The following TMEM131L variants were observed in gnomAD, a reference collection of about 807,000 sequenced individuals.
The protein encoded by TMEM131L is transmembrane 131 like.
TMEM131L carries 54 observed loss-of-function variants against 192.2 expected under a neutral mutation model. The ratio of observed to expected loss-of-function variants is 0.28; its 90% CI spans 0.23 to 0.35. The LOEUF (loss-of-function observed/expected upper bound fraction) is 0.35, where lower values mean the gene tolerates loss of function less well. Among genes scored for constraint, TMEM131L ranks in the 10% least tolerant of loss-of-function variants. The pLI is 1.00. For missense variants in TMEM131L, 1,888 were observed against 1,972.9 expected, an observed-to-expected ratio of 0.96 and a Z score of 0.82; for synonymous variants, 701 against 704.9, an observed-to-expected ratio of 0.99 and a Z score of 0.09.
At chr4:153,550,601 C>G (rs1435818478) in intron 4 of TMEM131L, among the ~76,000 whole-genome samples, 1 of 152,258 alleles carries the variant, frequency 6.6e-6, no homozygotes, top group Non-Finnish European at 1.5e-5. Context: ...GCTGGGATTA[C>G]AGGCGCGAGC....
At chr4:153,608,610 G>A (rs907217377) in intron 25 of TMEM131L, among the ~76,000 whole-genome samples, 1 of 152,182 alleles carries the variant, frequency 6.6e-6, no homozygotes, top group Non-Finnish European at 1.5e-5. Context: ...GAGCTTAACA[G>A]TACCTGAAAG....
In TMEM131L at chr4:153,588,883, CT is replaced by C. The variant is rs1360867245; in HGVS notation, c.1553-3del. 1 of 1,440,380 alleles carries C rather than the reference CT, an allele frequency of 6.9e-7. No individual in the cohort carries two copies. The highest frequency in any genetic ancestry group is 9.8e-7 in the Non-Finnish European group (1 of 1,022,814). The allele number at this position is 1,440,380 out of a possible 1,614,324, so 89.2% of individuals were successfully genotyped here. A position where few individuals can be genotyped will look rare whatever the true frequency, so the allele number is the denominator to read the frequency against. ...AATCTAAATATGGAATCTGATCTAA[CT>C]TTTAGGAAATCCTAATTGGAATGGG... On this transcript the variant is annotated splice_polypyrimidine_tract_variant and splice_region_variant and intron_variant, in intron 15 of 34. Coordinates refer to ENST00000409959, the MANE Select transcript of TMEM131L (RefSeq NM_001131007.2).
intron 4 of TMEM131L, 61 bp downstream of exon 4, chr4:153,550,202 T>C (rs1737503035): frequency 2.9e-6 from 2 of 687,550 alleles, no homozygotes; most frequent in Admixed American, 3.6e-5. Context: ...TTTCAGAATT[T>C]TTTTTACATA....
intron 3 of TMEM131L, among the ~76,000 whole-genome samples, chr4:153,505,253 C>A (rs1733911985): frequency 6.6e-6 from 1 of 151,866 alleles, no homozygotes; most frequent in African/African-American, 2.4e-5. Context: ...ACTACAGGCA[C>A]GCACCACCAC....
rs189630923 is a variant in TMEM131L at position 153,611,090 on chromosome 4, T to A, written c.3419-1162T>A. On this transcript the variant is annotated intron_variant, in intron 25 of 34. Transcript: ENST00000409959. ...AAGAAAAATGGAAGAAAACATATTT[T>A]CAGAAAAGGTTCCTCCCAGCACCCA... Among the ~76,000 whole-genome samples, 200 of 152,334 alleles carry A rather than the reference T, an allele frequency of 1.3e-3. 1 individual carries two copies. The highest frequency in any genetic ancestry group is 6.8e-3 in the Middle Eastern group (2 of 294).
chr4:153,476,262 A>G, intron 3 of TMEM131L, among the ~76,000 whole-genome samples: 1 of 152,154 alleles, frequency 6.6e-6, no homozygotes, highest in South Asian at 2.1e-4. Context: ...CCTGGCCTGA[A>G]TTGATAACTT....
intron 3 of TMEM131L, among the ~76,000 whole-genome samples, chr4:153,531,423 T>G (rs192995038): frequency 1.3e-5 from 2 of 152,344 alleles, no homozygotes; most frequent in East Asian, 3.9e-4. Context: ...GATATACCTT[T>G]TCTTGGATAT....
chr4:153,602,076 A>G lies in TMEM131L; in HGVS notation c.2267-76A>G. The G allele has an allele frequency of 4.4e-6, 4 of 911,512 alleles. No individual in the cohort carries two copies. In the South Asian group the frequency reaches 6.3e-5, roughly 14 times the overall value. The allele number at this position is 911,512 out of a possible 1,614,324, so 56.5% of individuals were successfully genotyped here. A position where few individuals can be genotyped will look rare whatever the true frequency, so the allele number is the denominator to read the frequency against. On this transcript the variant is annotated intron_variant, in intron 21 of 34. Coordinates refer to ENST00000409959, the MANE Select transcript of TMEM131L (RefSeq NM_001131007.2). Reference sequence around the variant, plus strand: ...GATCATGGTTTGGTTTATTCAATAAATATCGATCCAATAAATTATTTTAAA... The same window carrying G: ...GATCATGGTTTGGTTTATTCAATAAGTATCGATCCAATAAATTATTTTAAA...
At chr4:153,589,120 GC>G in intron 16 of TMEM131L, 113 bp downstream of exon 16, 1 of 633,636 alleles carries the variant, frequency 1.6e-6, no homozygotes. Context: ...CACCGTAGAT[GC>G]CTGAAACTGT....
chr4:153,494,689 G>A (rs892708516), intron 3 of TMEM131L, among the ~76,000 whole-genome samples: 27 of 152,180 alleles, frequency 1.8e-4, no homozygotes, highest in Non-Finnish European at 2.6e-4. Flanking sequence ...GCCTATGGCT[G>A]TCTCACCTAA....
chr4:153,598,787 T>C (rs1731626437), intron 21 of TMEM131L, 55 bp downstream of exon 21: 1 of 1,356,988 alleles, frequency 7.4e-7, no homozygotes, highest in East Asian at 2.6e-5. Context: ...AAGCTGAGAG[T>C]GAAAGGATTC....
chr4:153,625,272 G>A (rs1265504278), intron 29 of TMEM131L, among the ~76,000 whole-genome samples: 3 of 151,938 alleles, frequency 2.0e-5, no homozygotes, highest in African/African-American at 7.3e-5. Context: ...CCAGCTGGGC[G>A]TGGTGACGAG....
At chr4:153,589,329 T>C (rs1231109612) in intron 16 of TMEM131L, among the ~76,000 whole-genome samples, 1 of 152,170 alleles carries the variant, frequency 6.6e-6, no homozygotes, top group Non-Finnish European at 1.5e-5. Flanking sequence ...GCATCACTCT[T>C]CTTGCACTTT....
chr4:153,618,302 C>A (rs1270400975), intron 26 of TMEM131L, among the ~76,000 whole-genome samples: 4 of 151,704 alleles, frequency 2.6e-5, no homozygotes, highest in South Asian at 4.2e-4. Context: ...CAGCAAGACC[C>A]CATCTCTGCA....
chr4:153,548,139 G>A (rs1340239586), intron 3 of TMEM131L, among the ~76,000 whole-genome samples: 3 of 152,064 alleles, frequency 2.0e-5, no homozygotes, highest in African/African-American at 7.2e-5. Flanking sequence ...TCTTCACGTC[G>A]TTTCCGGAGG....
chr4:153,559,117 C>T (rs141598480), intron 7 of TMEM131L, among the ~76,000 whole-genome samples: 408 of 152,232 alleles, frequency 2.7e-3, no homozygotes, highest in African/African-American at 9.5e-3. Flanking sequence ...ATTCATTCAG[C>T]GGTTTTCCTG....
chr4:153,559,944 GC>G (rs1173777386), intron 7 of TMEM131L, among the ~76,000 whole-genome samples: 1 of 151,800 alleles, frequency 6.6e-6, no homozygotes, highest in Non-Finnish European at 1.5e-5. Context: ...GCCTTCCCCC[GC>G]TCACTTGTGC....
intron 3 of TMEM131L, among the ~76,000 whole-genome samples, chr4:153,518,031 TG>T (rs1221361890): frequency 6.6e-6 from 1 of 150,704 alleles, no homozygotes; most frequent in African/African-American, 2.5e-5. Flanking sequence ...TATAATGGGG[TG>T]AAAAAAAAAA....
At chr4:153,628,750 A>C (rs1435161191) in intron 31 of TMEM131L, among the ~76,000 whole-genome samples, 1 of 152,198 alleles carries the variant, frequency 6.6e-6, no homozygotes, top group Non-Finnish European at 1.5e-5. Context: ...GTAGGATTTT[A>C]ATGGTGTGGA....
Sources: allele counts gnomAD v4.1 joint callset (sites outside exome capture counted in the v4.1 genomes callset), GRCh38; gene constraint gnomAD v4.1.1; transcripts MANE v1.5; gene names NCBI Gene and HGNC (gene_info 2026-07-23, HGNC 2026-07-21).